Variants in IRF7 observed in about 807,000 individuals in gnomAD.
The protein encoded by IRF7 is interferon regulatory factor 7, also known as interferon regulatory factor-7H.
Under a neutral mutation model 51.3 loss-of-function variants are expected in IRF7, and 67 were observed. The ratio of observed to expected loss-of-function variants is 1.31; its 90% CI spans 1.07 to 1.60. IRF7 has a LOEUF of 1.60. Among genes scored for constraint, IRF7 ranks in the 40% most tolerant of loss-of-function variants. The pLI, the probability that IRF7 is intolerant of heterozygous loss-of-function variation, is 0.00. For missense variants in IRF7, 873 were observed against 701.5 expected (o/e 1.24, Z -2.76); for synonymous variants, 427 against 301.3 (o/e 1.42, Z -4.32).
At chr11:615,303 G>T in intron 2 of IRF7, 42 bp downstream of exon 2, 1 of 1,570,942 alleles carries the variant, frequency 6.4e-7, no homozygotes, top group Non-Finnish European at 8.6e-7. Flanking sequence ...GCTGCAGGGC[G>T]CTCGGGGACT....
Position 614,240 on chromosome 11 carries a change from G to C in IRF7, c.613C>G (p.Pro205Ala), listed in dbSNP as rs1856676459. The change falls in exon 6 of 11, where the codon CCA (proline) becomes GCA (alanine). Residue 205 changes from proline (P) to alanine (A), a missense_variant. By Grantham distance (27) the Pro-to-Ala change is conservative. Coordinates refer to ENST00000525445, the MANE Select transcript of IRF7 (RefSeq NM_001572.5). ...TCTCCAGGAGCCTTGGTTGGGACTGGATCTGCCCCCCATGACGCTGTCAGC... is the reference window on the plus strand; with the variant it reads ...TCTCCAGGAGCCTTGGTTGGGACTGCATCTGCCCCCCATGACGCTGTCAGC... ...HLLTASWGAD[P>A]VPTKAPGEGQ... 1.2e-6 allele frequency: 2 copies of C among 1,612,988 alleles called. No homozygotes were observed. Among genetic ancestry groups the C allele is most frequent in the Non-Finnish European group, 1.7e-6 (2 of 1,179,888 alleles).
chr11:612,822 C>T (rs1327819738), intron 10 of IRF7, 22 bp from the exon 11 acceptor site: 2 of 1,601,828 alleles, frequency 1.2e-6, no homozygotes, highest in Non-Finnish European at 1.7e-6. Flanking sequence ...GATCGGGCGT[C>T]TGTCAGTGAC....
In IRF7 at chr11:613,984, T is replaced by G; in HGVS notation, c.733A>C (p.Ser245Arg). ...LYGWAVETTP[S>R]PGPQPAALTT... ...AGTGCCGCGGGCTGGGGCCCGGGGC[T>G]GGGGGTCGTCTCTACTGCCCACCCG... The change falls in exon 7 of 11, where the codon AGC (serine) becomes CGC (arginine). Residue 245 changes from serine to arginine, a missense_variant. By Grantham distance (110) the Ser-to-Arg change is moderately radical. Transcript: ENST00000525445. 6.2e-7 allele frequency: 1 copy of G among 1,608,084 alleles called. No homozygotes were observed. The highest frequency in any genetic ancestry group is 1.1e-5 in the South Asian group (1 of 90,534).
chr11:614,099 C>T, intron 6 of IRF7, 62 bp from the exon 7 acceptor site: 12 of 1,580,608 alleles, frequency 7.6e-6, no homozygotes, highest in Non-Finnish European at 1.0e-5. Flanking sequence ...CCCCAATCCC[C>T]AGCCCCCTTC....
chr11:613,134 T>C lies in IRF7; in HGVS notation c.1238-17A>G, dbSNP rs1293908969. On this transcript the variant is annotated splice_polypyrimidine_tract_variant and intron_variant, in intron 9 of 10. Transcript: ENST00000525445. Reference sequence around the variant, plus strand: ...CCACCAGCTCTGAAGAAGGGGACTCTGCTGAGTACCTGGCAGGCAGGTGCT... The same window carrying C: ...CCACCAGCTCTGAAGAAGGGGACTCCGCTGAGTACCTGGCAGGCAGGTGCT... The C allele has an allele frequency of 1.2e-6, 2 of 1,611,192 alleles. No homozygotes were observed. Among genetic ancestry groups the C allele is most frequent in the South Asian group, 1.1e-5 (1 of 91,008 alleles).
chr11:612,621 C>T lies in IRF7; in HGVS notation c.*24G>A. 6.2e-7 allele frequency: 1 copy of T among 1,610,826 alleles called. No individual in the cohort carries two copies. Among genetic ancestry groups the T allele is most frequent in the Non-Finnish European group, 8.5e-7 (1 of 1,179,204 alleles). On this transcript the variant is annotated 3_prime_UTR_variant, in exon 11 of 11. Coordinates refer to ENST00000525445, the MANE Select transcript of IRF7 (RefSeq NM_001572.5). ...GCTCTAGGTGGGCTGCTCCAGCTTTCTGGAGTTCTCATTAGACTGGGTTCT... is the reference window on the plus strand; with the variant it reads ...GCTCTAGGTGGGCTGCTCCAGCTTTTTGGAGTTCTCATTAGACTGGGTTCT...
In IRF7 at chr11:614,622, C is replaced by T. The variant is rs1018102598; in HGVS notation, c.395-88G>A. 5.3e-5 allele frequency: 79 copies of T among 1,491,040 alleles called. No homozygotes were observed. In the African/African-American group the frequency reaches 1.0e-3, roughly 19 times the overall value. The allele number at this position is 1,491,040 out of a possible 1,614,324, so 92.4% of individuals were successfully genotyped here. ...GGTGTAGCCCCCACCAGCTTCCTGGCTGTGAACCCTTAGGCTGTGGCCTGA... is the reference window on the plus strand; with the variant it reads ...GGTGTAGCCCCCACCAGCTTCCTGGTTGTGAACCCTTAGGCTGTGGCCTGA... On this transcript the variant is annotated intron_variant, in intron 4 of 10. Transcript: ENST00000525445.
chr11:615,211 G>T lies in IRF7; in HGVS notation c.69C>A (p.Ser23Arg). The T allele has an allele frequency of 6.3e-7, 1 of 1,598,638 alleles. No homozygotes were observed. The stretch of plus-strand genomic sequence containing the variant: ...ACTGCAGCCCCTCATAGCAGCCGCT[G>T]CTGATCTCTCCAAGGAGCCACTCTC... ...LFGEWLLGEI[S>R]SGCYEGLQWL... The change falls in exon 3 of 11, where the codon AGC becomes AGA. Residue 23 changes from serine (S) to arginine (R), a missense_variant. By Grantham distance (110) the Ser-to-Arg change is moderately radical. Transcript: ENST00000525445.
rs748572013 is a variant in IRF7, at chr11:614,257, G to A, written c.596C>T (p.Ala199Val). 25 of 1,612,594 alleles carry A rather than the reference G, an allele frequency of 1.6e-5. No individual in the cohort carries two copies. The highest frequency in any genetic ancestry group is 2.1e-5 in the Non-Finnish European group (25 of 1,179,750). Residue 199 changes from alanine to valine, a missense_variant, in exon 6 of 11, where the codon GCG (alanine) becomes GTG (valine). Physicochemically the swap from Ala to Val is moderately conservative, Grantham distance 64. Coordinates refer to ENST00000525445, the MANE Select transcript of IRF7 (RefSeq NM_001572.5). ...TGGGACTGGATCTGCCCCCCATGAC[G>A]CTGTCAGCAGATGGTCTGCCAGGCA... ...QSCLADHLLTASWGADPVPTK... is the reference protein window; with the variant it reads ...QSCLADHLLTVSWGADPVPTK...
Position 613,793 on chromosome 11 carries a change from G to A in IRF7, c.839C>T (p.Ala280Val), listed in dbSNP as rs1564881781. 5.8e-6 allele frequency: 9 copies of A among 1,563,534 alleles called. No homozygotes were observed. Among genetic ancestry groups the A allele is most frequent in the Non-Finnish European group, 6.9e-6 (8 of 1,164,196 alleles). ...TCCTGGGATGCACTCACCTTGCACCGCGGTGCAGGCGCTTGGGGAGGGTGA... is the reference window on the plus strand; with the variant it reads ...TCCTGGGATGCACTCACCTTGCACCACGGTGCAGGCGCTTGGGGAGGGTGA... ...YLSPSPSACT[A>V]VQEPSPGALD... Residue 280 changes from alanine to valine, a missense_variant, in exon 8 of 11, where the codon GCG (alanine) becomes GTG (valine). Ala to Val is a moderately conservative substitution (Grantham distance 64, BLOSUM62 0). Transcript: ENST00000525445.
intron 4 of IRF7, 124 bp from the exon 5 acceptor site, chr11:614,658 A>C: frequency 7.2e-7 from 1 of 1,396,106 alleles, no homozygotes; most frequent in Non-Finnish European, 9.7e-7. Context: ...GGAGGTGGGG[A>C]TGTGGCTCTC....
chr11:614,935 C>A lies in IRF7; in HGVS notation c.256G>T (p.Ala86Ser). Residue 86 changes from alanine (A) to serine (S), a missense_variant, in exon 4 of 11, where the codon GCG becomes TCG. Transcript: ENST00000525445. ...TTGGTTTTCCAGCCGGCGCGCTCCG[C>A]AGTCTCAGCCTCGGGGGGCGGGCCA... Reference protein sequence around the residue: ...GGGPPPEAETAERAGWKTNFR... With the variant: ...GGGPPPEAETSERAGWKTNFR... 1 of 1,578,938 alleles carries A rather than the reference C, an allele frequency of 6.3e-7. No individual in the cohort carries two copies. Among genetic ancestry groups the A allele is most frequent in the South Asian group, 1.1e-5 (1 of 87,600 alleles).
Position 613,615 on chromosome 11 carries a change from T to A in IRF7, c.848-20A>T, listed in dbSNP as rs200604952. 24 of 1,398,138 alleles carry A rather than the reference T, an allele frequency of 1.7e-5. No individual in the cohort carries two copies. The highest frequency in any genetic ancestry group is 2.6e-4 in the Middle Eastern group (1 of 3,908). The allele number at this position is 1,398,138 out of a possible 1,614,324, so 86.6% of individuals were successfully genotyped here. On this transcript the variant is annotated intron_variant, in intron 8 of 10. Coordinates refer to ENST00000525445, the MANE Select transcript of IRF7 (RefSeq NM_001572.5). ...TGGGCTCTGTGTGGAGACCAAGCTGTGAGTGACGGGGGTGGGCGGGGACAG... is the reference window on the plus strand; with the variant it reads ...TGGGCTCTGTGTGGAGACCAAGCTGAGAGTGACGGGGGTGGGCGGGGACAG...
At position 613,740 on chromosome 11, in the gene IRF7, C is replaced by T. The variant is rs752603743; in HGVS notation, c.847+45G>A. On this transcript the variant is annotated intron_variant, in intron 8 of 10. Coordinates refer to ENST00000525445, the MANE Select transcript of IRF7 (RefSeq NM_001572.5). ...GTGGGCGGGGACAAGCCGTGAGTGA[C>T]GGGGGTGGGCGGGGACAGGCTGCCC... The T allele has an allele frequency of 7.1e-6, 5 of 703,246 alleles. No homozygotes were observed. In the Admixed American group the frequency reaches 2.7e-4, roughly 38 times the overall value. 43.6% of individuals were successfully genotyped at this position (703,246 alleles called of 1,614,324 possible).
intron 10 of IRF7, 33 bp downstream of exon 10, chr11:612,966 C>T (rs1856525485): frequency 6.2e-7 from 1 of 1,604,336 alleles, no homozygotes; most frequent in Middle Eastern, 1.7e-4. Flanking sequence ...GGCCTGAGCA[C>T]ATGGCCTCCC....
rs1350775673 is a variant in IRF7 at position 615,271 on chromosome 11, C to T, written c.21-12G>A. 5.1e-6 allele frequency: 8 copies of T among 1,579,532 alleles called. No individual in the cohort carries two copies. Among genetic ancestry groups the T allele is most frequent in the East Asian group, 2.3e-5 (1 of 43,574 alleles). ...CGCGTGGGGCTGCCCTGCGGGTGCC[C>T]GGCCGCGGAGAGTCAGGGCCGGCTG... is the stretch of plus-strand genomic sequence containing the variant. On this transcript the variant is annotated splice_polypyrimidine_tract_variant and intron_variant, in intron 2 of 10. Coordinates refer to ENST00000525445, the MANE Select transcript of IRF7 (RefSeq NM_001572.5).
chr11:612,763 G>A lies in IRF7; in HGVS notation c.1394C>T (p.Thr465Met), dbSNP rs779790369. The change falls in exon 11 of 11, where the codon ACG becomes ATG. Residue 465 changes from threonine (T) to methionine (M), a missense_variant. Coordinates refer to ENST00000525445, the MANE Select transcript of IRF7 (RefSeq NM_001572.5). ...PWLCRVHLEG[T>M]QREGVSSLDS... ...CAGGGAAGACACACCCTCACGCTGC[G>A]TGCCCTCTAGGTGCACTCGGCACAG... The A allele has an allele frequency of 2.3e-5, 37 of 1,611,772 alleles. No homozygotes were observed. The highest frequency in any genetic ancestry group is 2.5e-5 in the Non-Finnish European group (30 of 1,179,988).
chr11:615,310 G>A (rs753161640), intron 2 of IRF7, 35 bp downstream of exon 2: 2 of 1,570,076 alleles, frequency 1.3e-6, no homozygotes, highest in South Asian at 1.1e-5. Context: ...GGCGCTCGGG[G>A]ACTGGCATCT....
chr11:614,603 G>A, intron 4 of IRF7, 69 bp from the exon 5 acceptor site: 1 of 1,518,616 alleles, frequency 6.6e-7, no homozygotes, highest in Non-Finnish European at 8.9e-7. Flanking sequence ...GCCTGGTGTA[G>A]CCCCCACCAG....
Sources: allele counts gnomAD v4.1 joint callset, GRCh38; gene constraint gnomAD v4.1.1; transcripts MANE v1.5; gene names NCBI Gene and HGNC (gene_info 2026-07-23, HGNC 2026-07-21).